S100Z: variants seen among roughly 807,000 people sequenced by gnomAD.
The protein encoded by S100Z is S100 calcium binding protein Z.
S100Z carries 11 observed loss-of-function variants against 8.5 expected under a neutral mutation model. The ratio of observed to expected loss-of-function variants is 1.30; its 90% CI spans 0.82 to 2.15. The LOEUF (loss-of-function observed/expected upper bound fraction) is 2.15. Ranked by LOEUF, S100Z falls within the 30% of genes most tolerant of loss-of-function variation. The probability of loss-of-function intolerance (pLI) is 0.00; values close to 1 mark genes in which losing one functional copy is unlikely to be tolerated. For missense variants in S100Z, 126 were observed against 117.9 expected, an observed-to-expected ratio of 1.07 and a Z score of -0.32; for synonymous variants, 34 against 43.8, an observed-to-expected ratio of 0.78 and a Z score of 0.89.
the S100Z span, among the ~76,000 whole-genome samples, chr5:76,932,925 G>A: frequency 1.3e-5 from 2 of 152,186 alleles, no homozygotes; most frequent in Admixed American, 1.3e-4. Context: ...AGTGGGAGCT[G>A]AAACTCATTA....
At position 76,911,276 on chromosome 5, in the gene S100Z, G is replaced by A. The variant is rs184726169; in HGVS notation, c.*3-9441G>A. ...CAGTCCCTGCAACACCCCAATTCTAGGAGTACAAAAACCGAACGGTCAGTG... is the reference window on the plus strand; with the variant it reads ...CAGTCCCTGCAACACCCCAATTCTAAGAGTACAAAAACCGAACGGTCAGTG... On this transcript the variant is annotated intron_variant, in intron 4 of 4. Coordinates refer to ENST00000317593, the MANE Select transcript of S100Z (RefSeq NM_130772.4). 2.5e-4 allele frequency among the ~76,000 whole-genome samples: 38 copies of A among 152,268 alleles called. No homozygotes were observed. In the East Asian group the frequency reaches 7.0e-3, roughly 28 times the overall value.
At chr5:76,875,218 C>T (rs1301062125) in intron 2 of S100Z, 86 bp from the exon 3 acceptor site, 6 of 749,292 alleles carry the variant, frequency 8.0e-6, no homozygotes, top group Non-Finnish European at 1.2e-5. Context: ...ACAACCATCA[C>T]TTGTGTGGCG....
downstream of S100Z, among the ~76,000 whole-genome samples, chr5:76,922,714 G>A (rs537777748): frequency 6.6e-6 from 1 of 152,146 alleles, no homozygotes; most frequent in East Asian, 1.9e-4. Context: ...TAGTAGAGAT[G>A]GGGTTTCACC....
chr5:76,903,163 G>A (rs561144421), intron 4 of S100Z, among the ~76,000 whole-genome samples: 60 of 152,234 alleles, frequency 3.9e-4, no homozygotes, highest in Admixed American at 3.1e-3. Context: ...CTCCAGCCTG[G>A]GTGAAGAGTA....
chr5:76,867,743 G>A (rs1360315888), intron 1 of S100Z, among the ~76,000 whole-genome samples: 2 of 151,852 alleles, frequency 1.3e-5, no homozygotes, highest in African/African-American at 2.4e-5. Flanking sequence ...AACCATGCCC[G>A]ACTAATTTTT....
intron 4 of S100Z, among the ~76,000 whole-genome samples, chr5:76,902,792 A>G (rs1006384896): frequency 2.0e-5 from 3 of 152,122 alleles, no homozygotes; most frequent in East Asian, 1.9e-4. Context: ...ATTAGGACAG[A>G]CTTACTATCT....
chr5:76,894,677 C>A (rs1011120463), intron 4 of S100Z, among the ~76,000 whole-genome samples: 83 of 150,808 alleles, frequency 5.5e-4, no homozygotes, highest in Non-Finnish European at 9.7e-4. Flanking sequence ...CTTACAGCAA[C>A]CTCCACCTCC....
chr5:76,952,210 T>G, the S100Z span, among the ~76,000 whole-genome samples: 1 of 152,258 alleles, frequency 6.6e-6, no homozygotes, highest in Admixed American at 6.5e-5. Context: ...TAAAGCTTCC[T>G]GGCAGTTCCT....
chr5:76,850,335 GGAGA>G (rs1172691001), intron 1 of S100Z, among the ~76,000 whole-genome samples, 180 bp downstream of exon 1: 56 of 110,968 alleles, frequency 5.0e-4, no homozygotes, highest in Admixed American at 1.4e-3. Flanking sequence ...GGGGGGTGGG[GGAGA>G]GAGAGAGAGA....
chr5:76,928,263 A>G, the S100Z span, among the ~76,000 whole-genome samples: 2 of 152,196 alleles, frequency 1.3e-5, no homozygotes, highest in African/African-American at 2.4e-5. Context: ...AATCTCCCCA[A>G]CGCAGAGGAC....
chr5:76,852,666 C>T (rs139118950), intron 1 of S100Z, among the ~76,000 whole-genome samples: 93 of 152,150 alleles, frequency 6.1e-4, no homozygotes, highest in African/African-American at 2.2e-3. Context: ...GCTGAGATCC[C>T]GCTACTGCAC....
intron 1 of S100Z, among the ~76,000 whole-genome samples, chr5:76,860,646 G>A (rs902950281): frequency 6.6e-6 from 1 of 152,180 alleles, no homozygotes; most frequent in Non-Finnish European, 1.5e-5. Context: ...GTGATGTGAG[G>A]TGATGCTTCG....
At chr5:76,938,962 G>C in the S100Z span, among the ~76,000 whole-genome samples, 1 of 151,928 alleles carries the variant, frequency 6.6e-6, no homozygotes, top group Non-Finnish European at 1.5e-5. Context: ...GTAACTTTAA[G>C]GACCACCTAT....
intron 4 of S100Z, among the ~76,000 whole-genome samples, chr5:76,919,988 A>G (rs1384028920): frequency 6.7e-6 from 1 of 148,398 alleles, no homozygotes; most frequent in Non-Finnish European, 1.5e-5. Context: ...GGCTCACTGC[A>G]ACCTCCGCCT....
intron 1 of S100Z, 89 bp from the exon 2 acceptor site, chr5:76,870,077 G>C (rs1742952395): frequency 6.6e-6 from 1 of 151,958 alleles, no homozygotes. Flanking sequence ...CTGGATGTTT[G>C]AGATGACTGA....
At chr5:76,919,053 T>G (rs186411508) in intron 4 of S100Z, among the ~76,000 whole-genome samples, 1 of 152,344 alleles carries the variant, frequency 6.6e-6, no homozygotes, top group African/African-American at 2.4e-5. Flanking sequence ...AATATTCCAT[T>G]GTCTGGATAT....
At chr5:76,890,484 G>A (rs1385286713) in intron 4 of S100Z, among the ~76,000 whole-genome samples, 4 of 152,084 alleles carry the variant, frequency 2.6e-5, no homozygotes, top group South Asian at 4.2e-4. Context: ...CAAATCACAC[G>A]GGTATGAAAC....
rs77780315 is a variant in S100Z, at chr5:76,906,450, C to T, written c.*3-14267C>T. On this transcript the variant is annotated intron_variant, in intron 4 of 4. Coordinates refer to ENST00000317593, the MANE Select transcript of S100Z (RefSeq NM_130772.4). The stretch of plus-strand genomic sequence containing the variant: ...CCATTTCTCTGGCCTCCTCACCTGC[C>T]AGCACCTGCTACTATCATTGTACTT... 7.2e-3 allele frequency among the ~76,000 whole-genome samples: 1,093 copies of T among 152,264 alleles called. 13 individuals carry two copies. Among genetic ancestry groups the T allele is most frequent in the African/African-American group, 0.025 (1,037 of 41,550 alleles).
At chr5:76,862,407 C>T (rs2460501) in intron 1 of S100Z, among the ~76,000 whole-genome samples, 52,499 of 151,864 alleles carry the variant, frequency 0.35, 9,943 homozygotes, top group South Asian at 0.66. Context: ...CCACTTCAGC[C>T]GCTGATTGGT....
Sources: gnomAD v4.1 joint callset for allele counts (sites outside exome capture counted in the v4.1 genomes callset) on GRCh38, gnomAD v4.1.1 for gene constraint, MANE v1.5 for transcripts, NCBI Gene and HGNC (gene_info 2026-07-23, HGNC 2026-07-21) for gene names.